The following PCSK5 variants were observed in gnomAD, a reference collection of about 807,000 sequenced individuals.
PCSK5 encodes prohormone convertase 5.
A neutral mutation model predicts 233.2 loss-of-function variants in PCSK5; 129 were observed. That is an observed-to-expected ratio of 0.55 (90% CI 0.48 to 0.64). PCSK5 has a LOEUF of 0.64. Among genes scored for constraint, PCSK5 ranks in the 30% least tolerant of loss-of-function variants. PCSK5 has a pLI of 0.00. For synonymous variants in PCSK5, 825 were observed against 879.2 expected, an observed-to-expected ratio of 0.94 and a Z score of 1.09; for missense variants, 2,076 against 2,430.1, an observed-to-expected ratio of 0.85 and a Z score of 3.06.
chr9:76,040,936 A>AGTG (rs1425103074), intron 5 of PCSK5, among the ~76,000 whole-genome samples: 1 of 152,152 alleles, frequency 6.6e-6, no homozygotes, highest in African/African-American at 2.4e-5. Context: ...TTGATCCATC[A>AGTG]CTTAACTAAC....
chr9:75,940,381 C>T (rs1824247328), intron 2 of PCSK5, among the ~76,000 whole-genome samples: 1 of 152,190 alleles, frequency 6.6e-6, no homozygotes, highest in Admixed American at 6.5e-5. Context: ...TCTTTAGCTT[C>T]CCATTTGTTA....
At chr9:75,998,342 C>A (rs1827112427) in intron 3 of PCSK5, among the ~76,000 whole-genome samples, 1 of 152,098 alleles carries the variant, frequency 6.6e-6, no homozygotes, top group South Asian at 2.1e-4. Flanking sequence ...TGTGCATTTA[C>A]ACAAGCACAC....
chr9:76,259,575 G>A (rs1827099749), intron 24 of PCSK5, among the ~76,000 whole-genome samples: 2 of 152,046 alleles, frequency 1.3e-5, no homozygotes, highest in African/African-American at 4.8e-5. Flanking sequence ...ATATCTGTGT[G>A]TCGTATTTCT....
intron 24 of PCSK5, among the ~76,000 whole-genome samples, chr9:76,278,449 T>C (rs1293054230): frequency 1.3e-5 from 2 of 151,152 alleles, no homozygotes; most frequent in Non-Finnish European, 2.9e-5. Context: ...AATGACAAGC[T>C]CCCTCATGGG....
At chr9:76,166,893 GTCT>G (rs1823108749) in intron 12 of PCSK5, among the ~76,000 whole-genome samples, 3 of 152,198 alleles carry the variant, frequency 2.0e-5, no homozygotes, top group African/African-American at 7.2e-5. Context: ...CTTCTCTGTT[GTCT>G]TCTTGCCCAA....
chr9:76,248,555 A>G (rs1431502633), intron 24 of PCSK5, among the ~76,000 whole-genome samples: 1 of 152,234 alleles, frequency 6.6e-6, no homozygotes, highest in Admixed American at 6.5e-5. Context: ...GAGAATCATC[A>G]AATCATAAGT....
intron 2 of PCSK5, among the ~76,000 whole-genome samples, chr9:75,969,032 C>CG (rs1427592919): frequency 3.5e-4 from 3 of 8,476 alleles, no homozygotes; most frequent in Admixed American, 1.2e-3. Flanking sequence ...CCCTCTATGG[C>CG]GGGGGGTGGG....
chr9:76,176,183 T>A (rs1297843504), intron 14 of PCSK5, among the ~76,000 whole-genome samples: 1 of 152,242 alleles, frequency 6.6e-6, no homozygotes, highest in Admixed American at 6.5e-5. Flanking sequence ...CTCATTTTGG[T>A]TTATGATATA....
intron 1 of PCSK5, among the ~76,000 whole-genome samples, chr9:75,901,839 T>C (rs1826048763): frequency 6.6e-6 from 1 of 152,054 alleles, no homozygotes; most frequent in Non-Finnish European, 1.5e-5. Context: ...AGTGATTAAA[T>C]GAGTGAGTGA....
chr9:76,298,284 C>T (rs1828503790), intron 27 of PCSK5, among the ~76,000 whole-genome samples: 1 of 152,042 alleles, frequency 6.6e-6, no homozygotes, highest in Admixed American at 6.6e-5. Flanking sequence ...AGCACCACAC[C>T]CACCCCTCCA....
intron 1 of PCSK5, among the ~76,000 whole-genome samples, chr9:75,923,202 TACTTA>T (rs1823328992): frequency 6.6e-6 from 1 of 152,334 alleles, no homozygotes; most frequent in African/African-American, 2.4e-5. Context: ...TTGGGCATAT[TACTTA>T]ACTTCTTTTA....
intron 24 of PCSK5, among the ~76,000 whole-genome samples, chr9:76,275,533 T>C (rs1371940731): frequency 6.6e-6 from 1 of 152,210 alleles, no homozygotes; most frequent in Non-Finnish European, 1.5e-5. Flanking sequence ...CAAGTGATTC[T>C]CCTGCCTCAG....
At chr9:76,085,374 A>G (rs1203010647) in intron 7 of PCSK5, among the ~76,000 whole-genome samples, 1 of 152,152 alleles carries the variant, frequency 6.6e-6, no homozygotes, top group Non-Finnish European at 1.5e-5. Flanking sequence ...CTGTCTAGCT[A>G]TTTCACCGGA....
chr9:75,947,444 A>G (rs1384852746), intron 2 of PCSK5, among the ~76,000 whole-genome samples: 1 of 152,174 alleles, frequency 6.6e-6, no homozygotes, highest in Non-Finnish European at 1.5e-5. Flanking sequence ...TCCTTTCGCA[A>G]AGCTAAGTAA....
At chr9:76,124,152 C>T (rs1236309650) in intron 9 of PCSK5, among the ~76,000 whole-genome samples, 1 of 152,106 alleles carries the variant, frequency 6.6e-6, no homozygotes, top group African/African-American at 2.4e-5. Flanking sequence ...GAGAAACCTG[C>T]CTTCAAATTC....
rs759711958 is a variant in PCSK5, at chr9:76,295,410, A to G, written c.3321A>G (p.Leu1107=). ...CYWCEEGFFL[L]GGSCVRKCGP... is the part of the protein sequence containing the mutation. ...GGTGTGAAGAGGGCTTCTTTCTCTT[A>G]GGTAAGTTAGAAAATGGCACCATCC... The change falls in exon 26 of 38, where the codon TTA becomes TTG. Residue 1107 remains leucine (L), a splice_region_variant and synonymous_variant. Coordinates refer to ENST00000674117, the MANE Select transcript of PCSK5 (RefSeq NM_001372043.1). 3.1e-6 allele frequency: 5 copies of G among 1,611,912 alleles called. No individual in the cohort carries two copies. The highest frequency in any genetic ancestry group is 4.2e-6 in the Non-Finnish European group (5 of 1,179,568).
intron 24 of PCSK5, among the ~76,000 whole-genome samples, chr9:76,251,435 G>A (rs1160233149): frequency 4.0e-5 from 6 of 151,510 alleles, no homozygotes; most frequent in Middle Eastern, 3.4e-3. Flanking sequence ...GTGGTGGCAC[G>A]CACCTGTAAT....
chr9:76,322,432 C>A (rs1350411267), intron 31 of PCSK5, among the ~76,000 whole-genome samples: 1 of 152,120 alleles, frequency 6.6e-6, no homozygotes, highest in Non-Finnish European at 1.5e-5. Context: ...TTATCTCCCC[C>A]AAAAAGCTGT....
intron 2 of PCSK5, among the ~76,000 whole-genome samples, chr9:75,966,731 C>T (rs1363681919): frequency 6.6e-6 from 1 of 152,108 alleles, no homozygotes; most frequent in Non-Finnish European, 1.5e-5. Flanking sequence ...ATTATGTGCC[C>T]TGCACTTTGG....
Sources: gnomAD v4.1 joint callset for allele counts (sites outside exome capture counted in the v4.1 genomes callset) on GRCh38, gnomAD v4.1.1 for gene constraint, MANE v1.5 for transcripts, NCBI Gene and HGNC (gene_info 2026-07-23, HGNC 2026-07-21) for gene names.